The following MCC variants were observed in gnomAD, a reference collection of about 807,000 sequenced individuals.
MCC encodes colorectal mutant cancer protein.
In MCC, 90 loss-of-function variants were observed where a neutral mutation model predicts 116.2. The ratio of observed to expected loss-of-function variants is 0.77; its 90% CI spans 0.65 to 0.92. The LOEUF (loss-of-function observed/expected upper bound fraction) is 0.92, where lower values mean the gene tolerates loss of function less well. Ranked by LOEUF, MCC falls within the 40% of genes least tolerant of loss-of-function variation. The pLI, the probability that MCC is intolerant of heterozygous loss-of-function variation, is 0.00. For synonymous variants in MCC, 578 were observed against 510.5 expected, an observed-to-expected ratio of 1.13 and a Z score of -1.78; for missense variants, 1,516 against 1,312.2, an observed-to-expected ratio of 1.16 and a Z score of -2.40.
At chr5:113,107,631 C>G (rs898270983) in intron 6 of MCC, among the ~76,000 whole-genome samples, 1 of 152,204 alleles carries the variant, frequency 6.6e-6, no homozygotes, top group African/African-American at 2.4e-5. Flanking sequence ...CACGTACCCT[C>G]TGGTGCAGGT....
chr5:113,038,743 G>C (rs1751487514), intron 17 of MCC, among the ~76,000 whole-genome samples: 1 of 152,070 alleles, frequency 6.6e-6, no homozygotes, highest in South Asian at 2.1e-4. Flanking sequence ...TATCCTTACA[G>C]GGCTCTGGCA....
chr5:113,295,719 G>A (rs940393088), intron 3 of MCC, among the ~76,000 whole-genome samples: 20 of 152,212 alleles, frequency 1.3e-4, no homozygotes, highest in African/African-American at 4.6e-4. Flanking sequence ...TTGGGAGAGA[G>A]ATGAGATGGG....
intron 8 of MCC, among the ~76,000 whole-genome samples, chr5:113,097,277 A>C (rs1756084322): frequency 6.6e-6 from 1 of 152,214 alleles, no homozygotes; most frequent in South Asian, 2.1e-4. Flanking sequence ...CACTGCCCAG[A>C]TTTAACCTGT....
chr5:113,159,296 G>A (rs1364455033), intron 3 of MCC, among the ~76,000 whole-genome samples: 1 of 152,078 alleles, frequency 6.6e-6, no homozygotes, highest in South Asian at 2.1e-4. Flanking sequence ...TTGTCCACTG[G>A]TCCCAGAAAA....
intron 3 of MCC, among the ~76,000 whole-genome samples, chr5:113,198,099 T>C (rs1407694486): frequency 6.6e-6 from 1 of 152,254 alleles, no homozygotes; most frequent in Non-Finnish European, 1.5e-5. Flanking sequence ...TTCTTTGTCA[T>C]ACTATGTATA....
intron 3 of MCC, among the ~76,000 whole-genome samples, chr5:113,266,264 A>C (rs924228607): frequency 1.4e-4 from 20 of 146,322 alleles, no homozygotes; most frequent in African/African-American, 5.0e-4. Context: ...CACACACACA[A>C]AACCATTATC....
rs1317928206 is a variant in MCC, at chr5:113,132,481, C to CATAT, written c.885-9659_885-9656dup. Among the ~76,000 whole-genome samples the CATAT allele has an allele frequency of 4.1e-5, 4 of 96,472 alleles. No homozygotes were observed. The South Asian group carries it at 1.3e-3, about 32-fold the overall frequency. The allele number at this position is 96,472 out of a possible 152,430, so 63.3% of individuals were successfully genotyped here. A position where few individuals can be genotyped will look rare whatever the true frequency, so the allele number is the denominator to read the frequency against. Reference sequence around the variant, plus strand: ...ACACACACACACACACACACACATACATATATATATACAAGCAAGAAAATA... The same window carrying CATAT: ...ACACACACACACACACACACACATACATATATATATATATACAAGCAAGAAAATA... On this transcript the variant is annotated intron_variant, in intron 5 of 18. Coordinates refer to ENST00000408903, the MANE Select transcript of MCC (RefSeq NM_001085377.2).
intron 2 of MCC, among the ~76,000 whole-genome samples, chr5:113,380,892 G>A (rs1769102895): frequency 6.6e-6 from 1 of 152,204 alleles, no homozygotes; most frequent in Non-Finnish European, 1.5e-5. Context: ...GTAAGTCAGG[G>A]GAGCAAGATG....
rs373105870 is a variant in MCC at position 113,195,010 on chromosome 5, A to T, written c.628-43588T>A. ...GCAGTGATGTTTAACTCTGAATAGA[A>T]CCAGGCTGCCCCAGAAGCATCCATG... On this transcript the variant is annotated intron_variant, in intron 3 of 18. Transcript: ENST00000408903. Among the ~76,000 whole-genome samples the T allele has an allele frequency of 1.2e-4, 18 of 152,338 alleles. 1 individual carries two copies. The highest frequency in any genetic ancestry group is 2.0e-4 in the Admixed American group (3 of 15,304).
intron 3 of MCC, among the ~76,000 whole-genome samples, chr5:113,178,675 G>A (rs1435064865): frequency 6.6e-6 from 1 of 152,062 alleles, no homozygotes; most frequent in Non-Finnish European, 1.5e-5. Context: ...TCACACTACT[G>A]TCTTCTATCA....
intron 2 of MCC, among the ~76,000 whole-genome samples, chr5:113,364,892 A>G (rs555409688): frequency 4.6e-5 from 7 of 152,332 alleles, no homozygotes; most frequent in African/African-American, 1.4e-4. Context: ...TGCAGGGAGC[A>G]GTGTCCCAAG....
intron 14 of MCC, among the ~76,000 whole-genome samples, chr5:113,062,995 T>C (rs1328097835): frequency 6.6e-6 from 1 of 152,232 alleles, no homozygotes. Flanking sequence ...TTTTGTTATG[T>C]CATGAGATCC....
chr5:113,210,576 T>G (rs1763098036), intron 3 of MCC, among the ~76,000 whole-genome samples: 1 of 152,144 alleles, frequency 6.6e-6, no homozygotes, highest in Non-Finnish European at 1.5e-5. Flanking sequence ...TAGGTCGCAT[T>G]TGCAGAGGTG....
At chr5:113,463,489 T>G (rs1771804145) in intron 1 of MCC, among the ~76,000 whole-genome samples, 1 of 152,128 alleles carries the variant, frequency 6.6e-6, no homozygotes, top group Admixed American at 6.5e-5. Flanking sequence ...GGTGATGAAA[T>G]CAACATGGGA....
chr5:113,242,965 C>T lies in MCC; in HGVS notation c.628-91543G>A, dbSNP rs113972086. Among the ~76,000 whole-genome samples, 304 of 152,278 alleles carry T rather than the reference C, an allele frequency of 2.0e-3. 4 individuals are homozygous for T. Among genetic ancestry groups the T allele is most frequent in the African/African-American group, 6.5e-3 (271 of 41,556 alleles). Reference sequence around the variant, plus strand: ...TGAGAGCGAGATCATCAGGCAAATGCAATTCACAATGAGATATCATGGAGG... The same window carrying T: ...TGAGAGCGAGATCATCAGGCAAATGTAATTCACAATGAGATATCATGGAGG... On this transcript the variant is annotated intron_variant, in intron 3 of 18. Coordinates refer to ENST00000408903, the MANE Select transcript of MCC (RefSeq NM_001085377.2).
intron 17 of MCC, among the ~76,000 whole-genome samples, chr5:113,035,216 C>A (rs1751250567): frequency 6.6e-6 from 1 of 152,212 alleles, no homozygotes; most frequent in Admixed American, 6.5e-5. Context: ...TGCCTTCTTG[C>A]AAAGGCAGTT....
chr5:113,022,923 A>T lies in MCC; in HGVS notation c.*4379T>A, dbSNP rs996617897. On this transcript the variant is annotated 3_prime_UTR_variant, in exon 19 of 19. Transcript: ENST00000408903. ...CTCACCCAGATGTAATGTGATAAAC[A>T]AACAGTTTACCCAGTGTAACCTTTA... 1 of 144,506 alleles carries T rather than the reference A, an allele frequency of 6.9e-6. No individual in the cohort carries two copies. Among genetic ancestry groups the T allele is most frequent in the African/African-American group, 2.6e-5 (1 of 39,210 alleles). 9.0% of individuals were successfully genotyped at this position (144,506 alleles called of 1,614,324 possible).
intron 1 of MCC, among the ~76,000 whole-genome samples, chr5:113,410,631 TTTAAG>T (rs1200038531): frequency 6.6e-6 from 1 of 152,224 alleles, no homozygotes; most frequent in Non-Finnish European, 1.5e-5. Flanking sequence ...TAAATTATAC[TTTAAG>T]TTATGAGGTA....
At position 113,421,117 on chromosome 5, in the gene MCC, A is replaced by G. The variant is rs546865708; in HGVS notation, c.171-35905T>C. On this transcript the variant is annotated intron_variant, in intron 1 of 18. Transcript: ENST00000408903. The stretch of plus-strand genomic sequence containing the variant: ...CAGCTCACTGCAACCTCTGTCTCCC[A>G]GGTTCAAGCGAGTCTCCTGCCTCAG... 1.2e-4 allele frequency among the ~76,000 whole-genome samples: 18 copies of G among 152,070 alleles called. No homozygotes were observed. The South Asian group carries it at 1.9e-3, about 16-fold the overall frequency.
Sources: gnomAD v4.1 joint callset for allele counts (sites outside exome capture counted in the v4.1 genomes callset) on GRCh38, gnomAD v4.1.1 for gene constraint, MANE v1.5 for transcripts, NCBI Gene and HGNC (gene_info 2026-07-23, HGNC 2026-07-21) for gene names.